PRSS12: variants seen among roughly 807,000 people sequenced by gnomAD.
The protein encoded by PRSS12 is neurotrypsin.
PRSS12 carries 85 observed loss-of-function variants against 104.4 expected under a neutral mutation model. That is an observed-to-expected ratio of 0.81 (90% CI 0.68 to 0.98). The LOEUF is 0.98. PRSS12 is among the 50% of genes least tolerant of loss of function. The pLI is 0.00. For missense variants in PRSS12, 1,141 were observed against 1,139.2 expected, an observed-to-expected ratio of 1.00 and a Z score of -0.02; for synonymous variants, 454 against 425.2, an observed-to-expected ratio of 1.07 and a Z score of -0.83.
intron 1 of PRSS12, among the ~76,000 whole-genome samples, chr4:118,350,633 G>A (rs901506927): frequency 6.6e-6 from 1 of 152,134 alleles, no homozygotes; most frequent in Non-Finnish European, 1.5e-5. Flanking sequence ...AGTTAGCTAG[G>A]AACATAAAGG....
At chr4:118,333,855 C>T (rs1008178856) in intron 3 of PRSS12, among the ~76,000 whole-genome samples, 1 of 152,142 alleles carries the variant, frequency 6.6e-6, no homozygotes, top group African/African-American at 2.4e-5. Flanking sequence ...ACAGCCCCAT[C>T]CTTCCAACAA....
At chr4:118,337,381 A>G (rs1724087817) in intron 2 of PRSS12, among the ~76,000 whole-genome samples, 1 of 152,216 alleles carries the variant, frequency 6.6e-6, no homozygotes, top group African/African-American at 2.4e-5. Flanking sequence ...AAAACAAAAG[A>G]ATAAGAAAAA....
chr4:118,316,159 C>A lies in PRSS12; in HGVS notation c.1292+23G>T, dbSNP rs28451256. On this transcript the variant is annotated intron_variant, in intron 6 of 12. Coordinates refer to ENST00000296498, the MANE Select transcript of PRSS12 (RefSeq NM_003619.4). ...AACAATATAATCTGGCATTTAACTG[C>A]CTTTATAATTAATGAACCTTACTTA... 6 of 1,613,338 alleles carry A rather than the reference C, an allele frequency of 3.7e-6. No homozygotes were observed. The South Asian group carries it at 5.5e-5, about 15-fold the overall frequency.
At chr4:118,310,516 T>G (rs11947394) in intron 7 of PRSS12, among the ~76,000 whole-genome samples, 2 of 151,980 alleles carry the variant, frequency 1.3e-5, no homozygotes, top group Non-Finnish European at 2.9e-5. Flanking sequence ...ACGTTGTCAC[T>G]ATTAAGTTTG....
chr4:118,319,542 C>T (rs1178364274), intron 4 of PRSS12, among the ~76,000 whole-genome samples: 2 of 152,160 alleles, frequency 1.3e-5, no homozygotes, highest in South Asian at 2.1e-4. Flanking sequence ...TTAATAATTG[C>T]GGAACCACCA....
At chr4:118,331,299 A>C (rs1194711062) in intron 4 of PRSS12, among the ~76,000 whole-genome samples, 1 of 152,216 alleles carries the variant, frequency 6.6e-6, no homozygotes, top group African/African-American at 2.4e-5. Context: ...CTTTGTTCTA[A>C]GCACATACCT....
At chr4:118,303,526 A>G (rs1017175568) in intron 8 of PRSS12, 6 of 152,270 alleles carry the variant, frequency 3.9e-5, no homozygotes, top group Admixed American at 1.3e-4. Context: ...CTCTTTCTTT[A>G]AACAATTAAG....
chr4:118,289,460 C>G (rs1397236388), intron 11 of PRSS12, among the ~76,000 whole-genome samples: 3 of 152,120 alleles, frequency 2.0e-5, no homozygotes, highest in East Asian at 1.9e-4. Flanking sequence ...AAATCCCGTT[C>G]CCCTACCTAT....
intron 7 of PRSS12, among the ~76,000 whole-genome samples, chr4:118,311,828 AG>A (rs1296110581): frequency 1.3e-5 from 2 of 152,206 alleles, no homozygotes; most frequent in Non-Finnish European, 2.9e-5. Flanking sequence ...TTAACAACAC[AG>A]GCCTACAGAG....
At chr4:118,321,610 T>C (rs1057481759) in intron 4 of PRSS12, among the ~76,000 whole-genome samples, 3 of 152,192 alleles carry the variant, frequency 2.0e-5, no homozygotes, top group Non-Finnish European at 4.4e-5. Context: ...CCCTTCCCTC[T>C]TCTGGCACGT....
chr4:118,325,379 T>C (rs954097448), intron 4 of PRSS12, among the ~76,000 whole-genome samples: 53 of 151,108 alleles, frequency 3.5e-4, no homozygotes, highest in African/African-American at 1.3e-3. Flanking sequence ...TCCATTTCTG[T>C]ATGTTTATTA....
intron 1 of PRSS12, among the ~76,000 whole-genome samples, chr4:118,340,223 A>G (rs1041280028): frequency 2.6e-4 from 39 of 152,110 alleles, no homozygotes; most frequent in Admixed American, 2.4e-3. Flanking sequence ...CTGCACCATC[A>G]TTTTCTCTAA....
chr4:118,286,568 C>T (rs1743019104), intron 11 of PRSS12, among the ~76,000 whole-genome samples: 1 of 152,120 alleles, frequency 6.6e-6, no homozygotes, highest in African/African-American at 2.4e-5. Context: ...AGGGCAAGGA[C>T]CATGTCATGA....
At chr4:118,328,589 CA>C (rs375109444) in intron 4 of PRSS12, among the ~76,000 whole-genome samples, 29 of 150,432 alleles carry the variant, frequency 1.9e-4, no homozygotes, top group African/African-American at 6.2e-4. Flanking sequence ...AAAACAACAA[CA>C]AAAAAAAAAA....
chr4:118,309,994 G>T (rs1743664538), intron 7 of PRSS12, among the ~76,000 whole-genome samples: 1 of 152,150 alleles, frequency 6.6e-6, no homozygotes. Context: ...CAGTATAGCG[G>T]AATCACAGAG....
At chr4:118,339,315 A>T (rs1055096668) in intron 1 of PRSS12, among the ~76,000 whole-genome samples, 1 of 152,204 alleles carries the variant, frequency 6.6e-6, no homozygotes, top group South Asian at 2.1e-4. Context: ...AAATTAATTT[A>T]AAAAATCAAT....
intron 11 of PRSS12, among the ~76,000 whole-genome samples, chr4:118,289,843 T>C (rs1743091228): frequency 1.3e-5 from 2 of 152,208 alleles, no homozygotes; most frequent in African/African-American, 4.8e-5. Context: ...AAGAATCTTG[T>C]ATTATAGCCA....
chr4:118,341,944 A>G (rs1199355872), intron 1 of PRSS12, among the ~76,000 whole-genome samples: 1 of 152,206 alleles, frequency 6.6e-6, no homozygotes, highest in Non-Finnish European at 1.5e-5. Flanking sequence ...AAATACTGCA[A>G]CTAATCCACC....
intron 11 of PRSS12, among the ~76,000 whole-genome samples, chr4:118,294,702 A>G (rs1308497003): frequency 6.6e-6 from 1 of 151,382 alleles, no homozygotes; most frequent in Non-Finnish European, 1.5e-5. Flanking sequence ...CTCTCCAAAA[A>G]CCCCTGTTCT....
Sources: gnomAD v4.1 joint callset for allele counts (sites outside exome capture counted in the v4.1 genomes callset) on GRCh38, gnomAD v4.1.1 for gene constraint, MANE v1.5 for transcripts, NCBI Gene and HGNC (gene_info 2026-07-23, HGNC 2026-07-21) for gene names.